Variants in LARP4B observed in about 807,000 individuals in gnomAD.
The protein encoded by LARP4B is La ribonucleoprotein 4B, also known as la-related protein 4B.
In LARP4B, 12 loss-of-function variants were observed where a neutral mutation model predicts 89.8. The ratio of observed to expected loss-of-function variants is 0.13; its 90% CI spans 0.09 to 0.22. LARP4B has a LOEUF of 0.22. Among genes scored for constraint, LARP4B ranks in the 10% least tolerant of loss-of-function variants. The pLI, the probability that LARP4B is intolerant of heterozygous loss-of-function variation, is 1.00. For missense variants in LARP4B, 757 were observed against 947.7 expected (o/e 0.80, Z 2.64); for synonymous variants, 367 against 363.3 (o/e 1.01, Z -0.12).
chr10:867,955 T>A (rs1371202410), intron 3 of LARP4B, among the ~76,000 whole-genome samples: 2 of 151,366 alleles, frequency 1.3e-5, no homozygotes, highest in Admixed American at 1.3e-4. Context: ...GCAATGGTTA[T>A]TAAAACCACA....
Position 814,684 on chromosome 10 carries a change from T to C in LARP4B, c.1929+58A>G, listed in dbSNP as rs1250186828. ...CGAGCAGGTGCAGGAGTGCGCAGCG[T>C]CTGTTCACACCAGAGCCTCGCGGCT... On this transcript the variant is annotated intron_variant, in intron 17 of 17. Coordinates refer to ENST00000316157, the MANE Select transcript of LARP4B (RefSeq NM_015155.3). This position sits in a 1 kb window ranked among gnomAD's most constrained non-coding sequence, Gnocchi z 4.4. 2 of 1,555,550 alleles carry C rather than the reference T, an allele frequency of 1.3e-6. No individual in the cohort carries two copies. Among genetic ancestry groups the C allele is most frequent in the South Asian group, 1.2e-5 (1 of 84,354 alleles).
intron 5 of LARP4B, 126 bp downstream of exon 5, chr10:863,617 T>A (rs1834739823): frequency 1.2e-5 from 13 of 1,072,534 alleles, no homozygotes; most frequent in Non-Finnish European, 1.7e-5. Flanking sequence ...TAAGGGTGAG[T>A]TTAAAGTAGA....
chr10:913,415 T>C (rs887020126), intron 1 of LARP4B, among the ~76,000 whole-genome samples: 9 of 152,212 alleles, frequency 5.9e-5, no homozygotes, highest in Non-Finnish European at 8.8e-5. Flanking sequence ...AAATCAAATA[T>C]TTCATCAGAC....
chr10:840,079 T>C (rs1833447646), intron 7 of LARP4B, among the ~76,000 whole-genome samples: 1 of 150,562 alleles, frequency 6.6e-6, no homozygotes. Flanking sequence ...TAATCCGTAG[T>C]GACAGGAAGC....
intron 14 of LARP4B, 101 bp from the exon 15 acceptor site, chr10:817,990 A>C (rs1022713582): frequency 1.6e-5 from 19 of 1,208,344 alleles, no homozygotes; most frequent in Admixed American, 4.9e-5. Flanking sequence ...AAACAAGCAG[A>C]TCATTCAACC....
intron 5 of LARP4B, among the ~76,000 whole-genome samples, chr10:852,588 T>C (rs1834112668): frequency 6.6e-6 from 1 of 152,198 alleles, no homozygotes; most frequent in Non-Finnish European, 1.5e-5. Flanking sequence ...TTGTTCATTC[T>C]TTCCACTTCT....
At chr10:833,891 A>C (rs2131682478) in intron 8 of LARP4B, among the ~76,000 whole-genome samples, 1 of 151,560 alleles carries the variant, frequency 6.6e-6, no homozygotes, top group East Asian at 1.9e-4. Context: ...CCACCTCAAA[A>C]AAAAAAAAAA....
chr10:825,965 T>C (rs949134026), intron 11 of LARP4B, 95 bp from the exon 12 acceptor site: 6 of 821,186 alleles, frequency 7.3e-6, no homozygotes, highest in Non-Finnish European at 1.0e-5. Flanking sequence ...GGGCATTTCT[T>C]GATGTTGTCA....
chr10:967,670 C>T, the LARP4B span, among the ~76,000 whole-genome samples: 1 of 152,130 alleles, frequency 6.6e-6, no homozygotes, highest in African/African-American at 2.4e-5. Flanking sequence ...CTGGGCCAGG[C>T]GGAGGCAACC....
At chr10:839,947 C>T (rs1833440512) in intron 7 of LARP4B, among the ~76,000 whole-genome samples, 1 of 152,234 alleles carries the variant, frequency 6.6e-6, no homozygotes, top group South Asian at 2.1e-4. Flanking sequence ...TGAGAGAATA[C>T]TTCCCAGCAA....
At position 814,621 on chromosome 10, in the gene LARP4B, G is replaced by A. The variant is rs538602810; in HGVS notation, c.1929+121C>T. On this transcript the variant is annotated intron_variant, in intron 17 of 17. Transcript: ENST00000316157. This position sits in a 1 kb window ranked among gnomAD's most constrained non-coding sequence, Gnocchi z 4.4. ...TACAGAAAACACAACACAGACAGAC[G>A]CAAATAAAAACCCACCAAATTAGAT... 46 of 1,546,464 alleles carry A rather than the reference G, an allele frequency of 3.0e-5. No individual in the cohort carries two copies. In the Middle Eastern group the frequency reaches 6.7e-4, roughly 23 times the overall value.
chr10:821,277 AC>A (rs1157136961), intron 13 of LARP4B, among the ~76,000 whole-genome samples: 1 of 152,164 alleles, frequency 6.6e-6, no homozygotes, highest in Non-Finnish European at 1.5e-5. Flanking sequence ...GACCCCAAAT[AC>A]CGCGTCCCAT....
chr10:929,892 G>A (rs563523502), intron 1 of LARP4B, among the ~76,000 whole-genome samples: 2 of 152,240 alleles, frequency 1.3e-5, no homozygotes, highest in Non-Finnish European at 2.9e-5. Context: ...TAATAAGCTT[G>A]TTAATCTGAT....
At chr10:833,868 A>G (rs1317430888) in intron 8 of LARP4B, among the ~76,000 whole-genome samples, 1 of 150,880 alleles carries the variant, frequency 6.6e-6, no homozygotes, top group African/African-American at 2.4e-5. Context: ...CAGCCTGGCA[A>G]CAGAGCAAGA....
chr10:823,615 T>G (rs1048017543), intron 13 of LARP4B, among the ~76,000 whole-genome samples: 2 of 151,220 alleles, frequency 1.3e-5, no homozygotes, highest in African/African-American at 2.4e-5. Context: ...CCATCTAGTC[T>G]GCCTCCTTCC....
Position 900,420 on chromosome 10 carries a change from C to CTTTTTTTTTTTT in LARP4B, c.-39-14672_-39-14661dup. Among the ~76,000 whole-genome samples the CTTTTTTTTTTTT allele has an allele frequency of 3.8e-3, 173 of 45,242 alleles. 60 individuals are homozygous for CTTTTTTTTTTTT. Among genetic ancestry groups the CTTTTTTTTTTTT allele is most frequent in the East Asian group, 6.1e-3 (8 of 1,308 alleles). 29.7% of individuals were successfully genotyped at this position (45,242 alleles called of 152,430 possible). A position where few individuals can be genotyped will look rare whatever the true frequency, so the allele number is the denominator to read the frequency against. On this transcript the variant is annotated intron_variant, in intron 1 of 17. Transcript: ENST00000316157. ...ATTCTAGGATCGGAAAGAAGGATGT[C>CTTTTTTTTTTTT]TTTTTTTTTTTTTTTTTTTTTTTTT...
At chr10:870,049 A>G in intron 3 of LARP4B, 1 of 985,578 alleles carries the variant, frequency 1.0e-6, no homozygotes, top group African/African-American at 1.7e-5. Context: ...CCCAAACAAC[A>G]CCGTCCTCTG....
At position 814,607 on chromosome 10, in the gene LARP4B, C is replaced by T. The variant is rs753409836; in HGVS notation, c.1929+135G>A. 550 of 1,540,360 alleles carry T rather than the reference C, an allele frequency of 3.6e-4. 2 individuals carry two copies. The highest frequency in any genetic ancestry group is 3.7e-5 in the Non-Finnish European group (42 of 1,138,678). ...TTAAAGGTATTTTGTACAGAAAACA[C>T]AACACAGACAGACGCAAATAAAAAC... On this transcript the variant is annotated intron_variant, in intron 17 of 17. Transcript: ENST00000316157. This position sits in a 1 kb window ranked among gnomAD's most constrained non-coding sequence, Gnocchi z 4.4.
chr10:939,016 C>T, the LARP4B span, among the ~76,000 whole-genome samples: 1 of 152,350 alleles, frequency 6.6e-6, no homozygotes, highest in Non-Finnish European at 1.5e-5. Flanking sequence ...TCCTGACACT[C>T]TTCTCCCTGC....
Sources: allele counts gnomAD v4.1 joint callset (sites outside exome capture counted in the v4.1 genomes callset), GRCh38; gene constraint gnomAD v4.1.1; non-coding constraint Gnocchi (gnomAD v3.1); transcripts MANE v1.5; gene names NCBI Gene and HGNC (gene_info 2026-07-23, HGNC 2026-07-21).